SLC13A3: variants seen among roughly 807,000 people sequenced by gnomAD.
SLC13A3 encodes solute carrier family 13 member 3.
In SLC13A3, 40 loss-of-function variants were observed where a neutral mutation model predicts 59.0. That is an observed-to-expected ratio of 0.68 (90% confidence interval 0.53 to 0.88). The LOEUF (loss-of-function observed/expected upper bound fraction) is 0.88. SLC13A3 is among the 40% of genes least tolerant of loss of function. The pLI is 0.00. For missense variants in SLC13A3, 699 were observed against 783.2 expected (o/e 0.89, Z 1.28); for synonymous variants, 317 against 330.3 (o/e 0.96, Z 0.44).
At chr20:46,584,204 C>G (rs1254803985) in intron 8 of SLC13A3, 10 of 985,260 alleles carry the variant, frequency 1.0e-5, no homozygotes, top group Non-Finnish European at 1.2e-5. Context: ...GCACATTAAG[C>G]CCTCGGGGCA....
rs2061915445 is a variant in SLC13A3, at chr20:46,559,786, G to A, written c.*236C>T. Reference sequence around the variant, plus strand: ...GATAAAACAGCTAACTGATAAAGGAGCTTATTTCTCAGGCAGCAGATCTGA... The same window carrying A: ...GATAAAACAGCTAACTGATAAAGGAACTTATTTCTCAGGCAGCAGATCTGA... On this transcript the variant is annotated 3_prime_UTR_variant, in exon 13 of 13. Transcript: ENST00000279027. The A allele has an allele frequency of 8.1e-6, 4 of 495,350 alleles. No individual in the cohort carries two copies. The highest frequency in any genetic ancestry group is 1.4e-5 in the Non-Finnish European group (4 of 277,112). 30.7% of individuals were successfully genotyped at this position (495,350 alleles called of 1,614,324 possible).
In SLC13A3 at chr20:46,560,015, G is replaced by A. The variant is rs2061916991; in HGVS notation, c.*7C>T. The A allele has an allele frequency of 6.2e-7, 1 of 1,613,596 alleles. No individual in the cohort carries two copies. Among genetic ancestry groups the A allele is most frequent in the African/African-American group, 1.3e-5 (1 of 75,044 alleles). ...GGTTCAGCCTCAAGGGAGTCCTCCA[G>A]GGGGACTCAGAGGGTCCGAAATGTG... On this transcript the variant is annotated 3_prime_UTR_variant, in exon 13 of 13. Transcript: ENST00000279027.
At chr20:46,564,618 G>A (rs535826011) in intron 11 of SLC13A3, among the ~76,000 whole-genome samples, 133 of 152,158 alleles carry the variant, frequency 8.7e-4, no homozygotes, top group Middle Eastern at 6.8e-3. Context: ...AGGTCCCTCT[G>A]AGGACTCCCA....
At chr20:46,648,125 A>C (rs560642924) in intron 1 of SLC13A3, among the ~76,000 whole-genome samples, 15 of 152,324 alleles carry the variant, frequency 9.8e-5, no homozygotes, top group African/African-American at 3.6e-4. Context: ...TGACTGGTGA[A>C]GATGACCAGA....
chr20:46,671,357 C>T (rs2063090489), upstream of SLC13A3, among the ~76,000 whole-genome samples: 1 of 152,120 alleles, frequency 6.6e-6, no homozygotes, highest in Admixed American at 6.5e-5. Flanking sequence ...CTCCCTTCAC[C>T]CTATATTTGT....
intron 11 of SLC13A3, 108 bp from the exon 12 acceptor site, chr20:46,563,659 G>A (rs207477605): frequency 5.0e-6 from 6 of 1,206,930 alleles, no homozygotes; most frequent in African/African-American, 4.6e-5. Flanking sequence ...ACACAAAGAC[G>A]TAGAGACAGA....
intron 7 of SLC13A3, 30 bp downstream of exon 7, chr20:46,589,130 T>A: frequency 6.3e-7 from 1 of 1,594,914 alleles, no homozygotes; most frequent in Non-Finnish European, 8.6e-7. Context: ...AATACTCAGC[T>A]CTTTCCTTAA....
In SLC13A3 at chr20:46,615,565, C is replaced by T. The variant is rs535969052; in HGVS notation, c.112-1840G>A. On this transcript the variant is annotated intron_variant, in intron 1 of 12. Transcript: ENST00000279027. ...AATTCTCGATCAATTTCCAAGATCA[C>T]GTCTGACAGCTTGGCTGATAGATCT... 3.3e-5 allele frequency among the ~76,000 whole-genome samples: 5 copies of T among 152,272 alleles called. No individual in the cohort carries two copies. The East Asian group carries it at 9.7e-4, about 29-fold the overall frequency.
intron 8 of SLC13A3, chr20:46,584,612 C>G (rs763156148): frequency 1.7e-5 from 9 of 519,770 alleles, no homozygotes; most frequent in Non-Finnish European, 2.2e-5. Flanking sequence ...GTATACCATT[C>G]ATTTGCCAAC....
At chr20:46,655,804 T>G (rs1203348372), upstream of SLC13A3, among the ~76,000 whole-genome samples, 3 of 144,360 alleles carry the variant, frequency 2.1e-5, no homozygotes, top group East Asian at 2.0e-4. Flanking sequence ...ATATAATATA[T>G]AATACTGTAT....
chr20:46,661,334 C>T (rs1410791710), intron 1 of SLC13A3, among the ~76,000 whole-genome samples: 2 of 152,024 alleles, frequency 1.3e-5, no homozygotes, highest in East Asian at 1.9e-4. Flanking sequence ...CGGTTTTACC[C>T]GTAGTATGGA....
At chr20:46,560,542 C>T (rs893273665) in intron 12 of SLC13A3, among the ~76,000 whole-genome samples, 16 of 152,092 alleles carry the variant, frequency 1.1e-4, no homozygotes, top group African/African-American at 3.9e-4. Flanking sequence ...AAAAATGAGA[C>T]CTAGAGAAGT....
At chr20:46,662,194 C>CT (rs548580481) in intron 1 of SLC13A3, among the ~76,000 whole-genome samples, 170 of 152,222 alleles carry the variant, frequency 1.1e-3, no homozygotes, top group Non-Finnish European at 1.9e-3. Context: ...CTTTAGGTTT[C>CT]TTTGTGTCCT....
chr20:46,569,598 A>G (rs1313020161), intron 10 of SLC13A3, among the ~76,000 whole-genome samples: 1 of 152,218 alleles, frequency 6.6e-6, no homozygotes, highest in Admixed American at 6.5e-5. Flanking sequence ...GAATCTATAA[A>G]GGGCCTAGGA....
rs572301616 is a variant in SLC13A3 at position 46,623,847 on chromosome 20, A to G, written c.112-10122T>C. ...TTATTAGCTCTATTTTACTGATGGG[A>G]CATGGAGGCAAACAGGAAAAGTCAA... On this transcript the variant is annotated intron_variant, in intron 1 of 12. Transcript: ENST00000279027. 2.0e-5 allele frequency among the ~76,000 whole-genome samples: 3 copies of G among 152,332 alleles called. No individual in the cohort carries two copies. The South Asian group carries it at 6.2e-4, about 32-fold the overall frequency.
rs184795209 is a variant in SLC13A3, at chr20:46,631,745, G to T, written c.112-18020C>A. Among the ~76,000 whole-genome samples the T allele has an allele frequency of 2.0e-3, 302 of 152,208 alleles. 1 individual carries two copies. The highest frequency in any genetic ancestry group is 3.7e-3 in the Non-Finnish European group (249 of 68,000). ...GGCTTAGCCAATACACGACCACAGG[G>T]ATTAAAGCCTGCAAGCAAAACGCGC... is the stretch of plus-strand genomic sequence containing the variant. On this transcript the variant is annotated intron_variant, in intron 1 of 12. Coordinates refer to ENST00000279027, the MANE Select transcript of SLC13A3 (RefSeq NM_022829.6).
intron 6 of SLC13A3, among the ~76,000 whole-genome samples, chr20:46,589,601 A>G (rs1408832641): frequency 2.0e-5 from 3 of 152,212 alleles, no homozygotes; most frequent in East Asian, 1.9e-4. Flanking sequence ...TAAAATTGCT[A>G]TCTCAGATTG....
rs1453128664 is a variant in SLC13A3 at position 46,651,378 on chromosome 20, C to T, written c.44G>A (p.Arg15Gln). 2.0e-6 allele frequency: 3 copies of T among 1,508,504 alleles called. No homozygotes were observed. The highest frequency in any genetic ancestry group is 2.1e-5 in the Admixed American group (1 of 46,970). The allele number at this position is 1,508,504 out of a possible 1,614,324, so 93.4% of individuals were successfully genotyped here. ...AAAAKKVWSA[R>Q]RLLVLLFTPL... Reference sequence around the variant, plus strand: ...CGTGAACAGCAGCACCAGCAGCCGCCGCGCGCTCCACACCTTCTTGGCCGC... The same window carrying T: ...CGTGAACAGCAGCACCAGCAGCCGCTGCGCGCTCCACACCTTCTTGGCCGC... The change falls in exon 1 of 13, where the codon CGG becomes CAG. Residue 15 changes from arginine to glutamine, a missense_variant. Arg to Gln is a conservative substitution (Grantham distance 43). Coordinates refer to ENST00000279027, the MANE Select transcript of SLC13A3 (RefSeq NM_022829.6).
chr20:46,566,414 C>T, intron 10 of SLC13A3, 24 bp from the exon 11 acceptor site: 1 of 1,604,426 alleles, frequency 6.2e-7, no homozygotes, highest in South Asian at 1.1e-5. Flanking sequence ...GGCATTCCTT[C>T]ATACCCCAGC....
Sources: gnomAD v4.1 joint callset for allele counts (sites outside exome capture counted in the v4.1 genomes callset) on GRCh38, gnomAD v4.1.1 for gene constraint, MANE v1.5 for transcripts, NCBI Gene and HGNC (gene_info 2026-07-23, HGNC 2026-07-21) for gene names.